The following NRXN1 variants were observed in gnomAD, a reference collection of about 807,000 sequenced individuals.
NRXN1 encodes neurexin-1.
A neutral mutation model predicts 150.9 loss-of-function variants in NRXN1; 39 were observed. The ratio of observed to expected loss-of-function variants is 0.26; its 90% CI spans 0.20 to 0.34. The LOEUF (loss-of-function observed/expected upper bound fraction) is 0.34, where lower values mean the gene tolerates loss of function less well. NRXN1 is among the 10% of genes least tolerant of loss of function. The pLI is 1.00. For missense variants in NRXN1, 1,815 were observed against 1,949.9 expected, an observed-to-expected ratio of 0.93 and a Z score of 1.30; for synonymous variants, 924 against 757.0, an observed-to-expected ratio of 1.22 and a Z score of -3.62.
intron 17 of NRXN1, among the ~76,000 whole-genome samples, chr2:50,363,340 C>A (rs1420317666): frequency 6.6e-6 from 1 of 152,106 alleles, no homozygotes; most frequent in East Asian, 1.9e-4. Context: ...GCAATCTATC[C>A]ATCTGGCAAA....
chr2:49,954,109 C>T (rs1376865863), intron 21 of NRXN1, among the ~76,000 whole-genome samples: 1 of 152,074 alleles, frequency 6.6e-6, no homozygotes, highest in South Asian at 2.1e-4. Flanking sequence ...AAGAGGACAA[C>T]CCAATGTCCA....
intron 10 of NRXN1, among the ~76,000 whole-genome samples, chr2:50,535,394 T>TGTAC (rs2093229970): frequency 6.6e-6 from 1 of 152,260 alleles, no homozygotes. Context: ...CAGTCTAAAG[T>TGTAC]GTACACCTGT....
intron 17 of NRXN1, among the ~76,000 whole-genome samples, chr2:50,389,937 G>A (rs2081577020): frequency 6.6e-6 from 1 of 152,104 alleles, no homozygotes; most frequent in Non-Finnish European, 1.5e-5. Context: ...TTCGTGAAAA[G>A]GTTAAATTAA....
chr2:50,303,278 A>T (rs2074327641), intron 17 of NRXN1, among the ~76,000 whole-genome samples: 1 of 152,182 alleles, frequency 6.6e-6, no homozygotes, highest in East Asian at 1.9e-4. Context: ...CATTGGATAC[A>T]TACCTCACAG....
intron 5 of NRXN1, among the ~76,000 whole-genome samples, chr2:50,872,594 A>G (rs1350734106): frequency 6.6e-6 from 1 of 151,694 alleles, no homozygotes; most frequent in Non-Finnish European, 1.5e-5. Flanking sequence ...GCCAGGGCTC[A>G]AGAAAATAAG....
At chr2:50,198,810 C>T (rs61340936) in intron 18 of NRXN1, among the ~76,000 whole-genome samples, 8 of 152,022 alleles carry the variant, frequency 5.3e-5, no homozygotes, top group Non-Finnish European at 1.5e-5. Flanking sequence ...TTGTACTCTG[C>T]AAATTTCTTC....
chr2:50,110,852 G>A (rs1279130012), intron 18 of NRXN1, among the ~76,000 whole-genome samples: 1 of 151,858 alleles, frequency 6.6e-6, no homozygotes, highest in Non-Finnish European at 1.5e-5. Context: ...TTTTTCTATT[G>A]TTCCCCTATT....
At chr2:49,952,991 C>T (rs550293305) in intron 21 of NRXN1, among the ~76,000 whole-genome samples, 4 of 152,062 alleles carry the variant, frequency 2.6e-5, no homozygotes, top group East Asian at 3.9e-4. Context: ...CAATGACCTT[C>T]GAAGTGAAGG....
chr2:50,349,759 T>C (rs1031466052), intron 17 of NRXN1, among the ~76,000 whole-genome samples: 5 of 152,208 alleles, frequency 3.3e-5, no homozygotes, highest in Non-Finnish European at 5.9e-5. Flanking sequence ...TTATGTCTCT[T>C]CTCTCATACA....
In NRXN1 at chr2:49,920,696, TCGTGTG is replaced by T. The variant is rs2103974790; in HGVS notation, c.*1242_*1247del. The T allele has an allele frequency of 9.8e-6, 1 of 101,672 alleles. No homozygotes were observed. Among genetic ancestry groups the T allele is most frequent in the African/African-American group, 3.8e-5 (1 of 26,222 alleles). The allele number at this position is 101,672 out of a possible 1,614,324, so 6.3% of individuals were successfully genotyped here. On this transcript the variant is annotated 3_prime_UTR_variant, in exon 23 of 23. Transcript: ENST00000401669. Reference sequence around the variant, plus strand: ...GCATATCTGATGGATTGCTGTGGATTCGTGTGTGTGTGTGTGTGTGTGTGTGTGTGT... The same window carrying T: ...GCATATCTGATGGATTGCTGTGGATTTGTGTGTGTGTGTGTGTGTGTGTGT...
chr2:50,691,784 C>T (rs1263919550), intron 5 of NRXN1, among the ~76,000 whole-genome samples: 1 of 152,074 alleles, frequency 6.6e-6, no homozygotes, highest in African/African-American at 2.4e-5. Flanking sequence ...CGAGGGCTGA[C>T]TCGGGGATGC....
intron 2 of NRXN1, among the ~76,000 whole-genome samples, chr2:50,978,034 C>T (rs1696134333): frequency 6.6e-6 from 1 of 151,168 alleles, no homozygotes; most frequent in Admixed American, 6.6e-5. Context: ...TATTTTCTCA[C>T]CTAAAAGTTG....
At chr2:50,730,493 T>C (rs1423048438) in intron 5 of NRXN1, among the ~76,000 whole-genome samples, 1 of 152,102 alleles carries the variant, frequency 6.6e-6, no homozygotes, top group Non-Finnish European at 1.5e-5. Context: ...CAGAGCTCTT[T>C]CCAGCTTTCT....
intron 18 of NRXN1, among the ~76,000 whole-genome samples, chr2:50,098,724 T>C (rs1482472996): frequency 6.6e-6 from 1 of 151,960 alleles, no homozygotes; most frequent in Non-Finnish European, 1.5e-5. Context: ...CTGAATAATG[T>C]CAGTTGTGTC....
chr2:50,687,032 T>G (rs1691333716), intron 5 of NRXN1, among the ~76,000 whole-genome samples: 1 of 152,188 alleles, frequency 6.6e-6, no homozygotes. Context: ...GGACTCAAAG[T>G]GCTTAGCGTC....
At chr2:50,987,877 C>T (rs780657832) in intron 2 of NRXN1, among the ~76,000 whole-genome samples, 22 of 151,906 alleles carry the variant, frequency 1.4e-4, no homozygotes, top group Admixed American at 2.6e-4. Context: ...AGGAACACTA[C>T]GAAACACAGA....
chr2:50,832,608 C>G (rs1054403689), intron 5 of NRXN1, among the ~76,000 whole-genome samples: 1 of 152,110 alleles, frequency 6.6e-6, no homozygotes, highest in African/African-American at 2.4e-5. Context: ...GAGCCAATGT[C>G]GCACCACTGC....
At chr2:50,546,107 TC>T (rs1166704297) in intron 9 of NRXN1, among the ~76,000 whole-genome samples, 3 of 152,106 alleles carry the variant, frequency 2.0e-5, no homozygotes, top group African/African-American at 7.2e-5. Context: ...GTCTATTTTC[TC>T]CCTCCACTCT....
At chr2:50,454,129 C>A (rs1047419991) in intron 17 of NRXN1, among the ~76,000 whole-genome samples, 1 of 151,986 alleles carries the variant, frequency 6.6e-6, no homozygotes, top group Non-Finnish European at 1.5e-5. Flanking sequence ...AGTTCAAGAC[C>A]AGCCTGGGCA....
Sources: gnomAD v4.1 joint callset for allele counts (sites outside exome capture counted in the v4.1 genomes callset) on GRCh38, gnomAD v4.1.1 for gene constraint, MANE v1.5 for transcripts, NCBI Gene and HGNC (gene_info 2026-07-23, HGNC 2026-07-21) for gene names.